Variants in EFCAB13 observed in about 807,000 individuals in gnomAD.
EFCAB13 encodes EF-hand calcium binding domain 13.
Under a neutral mutation model 110.2 loss-of-function variants are expected in EFCAB13, and 91 were observed. The observed-to-expected ratio is 0.83, with a 90% CI of 0.70 to 0.98. EFCAB13 has a LOEUF of 0.98. Among genes scored for constraint, EFCAB13 ranks in the 50% least tolerant of loss-of-function variants. EFCAB13 has a pLI of 0.00. For missense variants in EFCAB13, 968 were observed against 1,119.4 expected (o/e 0.86, Z 1.93); for synonymous variants, 323 against 369.9 (o/e 0.87, Z 1.45).
At chr17:47,392,503 C>A (rs2065713550) in intron 15 of EFCAB13, among the ~76,000 whole-genome samples, 3 of 152,140 alleles carry the variant, frequency 2.0e-5, no homozygotes, top group South Asian at 4.1e-4. Context: ...TATCAAATCT[C>A]CTTATAAAGC....
At position 47,376,552 on chromosome 17, in the gene EFCAB13, C is replaced by T. The variant is rs1255105338; in HGVS notation, c.1373-1214C>T. Among the ~76,000 whole-genome samples, 6 of 143,068 alleles carry T rather than the reference C, an allele frequency of 4.2e-5. No homozygotes were observed. The East Asian group carries it at 1.2e-3, about 28-fold the overall frequency. 93.9% of individuals were successfully genotyped at this position (143,068 alleles called of 152,430 possible). A position where few individuals can be genotyped will look rare whatever the true frequency, so the allele number is the denominator to read the frequency against. On this transcript the variant is annotated intron_variant, in intron 12 of 24. Coordinates refer to ENST00000331493, the MANE Select transcript of EFCAB13 (RefSeq NM_152347.5). ...ATTGGACTTTTATGGAATATGACTGCCTGTATGATTTACATTAAAAAATTC... is the reference window on the plus strand; with the variant it reads ...ATTGGACTTTTATGGAATATGACTGTCTGTATGATTTACATTAAAAAATTC...
chr17:47,366,314 GTT>G (rs773136385), intron 10 of EFCAB13, among the ~76,000 whole-genome samples: 8 of 144,924 alleles, frequency 5.5e-5, no homozygotes, highest in African/African-American at 2.0e-4. Context: ...TGGTATAGCA[GTT>G]TTTTTTTTTT....
At chr17:47,426,625 T>C (rs866434548) in intron 23 of EFCAB13, among the ~76,000 whole-genome samples, 16 of 152,210 alleles carry the variant, frequency 1.1e-4, no homozygotes, top group African/African-American at 3.4e-4. Context: ...ATTTAACTTA[T>C]AAATTTTGCT....
At chr17:47,413,202 G>T (rs1411922344) in intron 22 of EFCAB13, among the ~76,000 whole-genome samples, 31 of 151,952 alleles carry the variant, frequency 2.0e-4, no homozygotes, top group Admixed American at 3.3e-4. Flanking sequence ...GACAACAGCA[G>T]CTTATTTTGA....
intron 10 of EFCAB13, among the ~76,000 whole-genome samples, chr17:47,361,997 G>A (rs1451394763): frequency 6.6e-6 from 1 of 152,052 alleles, no homozygotes; most frequent in Non-Finnish European, 1.5e-5. Context: ...TGTATTACAT[G>A]TTTACTTGTA....
At chr17:47,387,411 TCCTC>T (rs1415374050) in intron 14 of EFCAB13, among the ~76,000 whole-genome samples, 1 of 152,216 alleles carries the variant, frequency 6.6e-6, no homozygotes, top group Non-Finnish European at 1.5e-5. Context: ...TGTGTTGAAG[TCCTC>T]TACTAGGATT....
chr17:47,363,365 C>A (rs910879084), intron 10 of EFCAB13, among the ~76,000 whole-genome samples: 2 of 152,078 alleles, frequency 1.3e-5, no homozygotes, highest in Admixed American at 1.3e-4. Flanking sequence ...CTGGGCCCAG[C>A]CTGATTCATT....
At chr17:47,420,345 T>C (rs1368110368) in intron 23 of EFCAB13, among the ~76,000 whole-genome samples, 6 of 152,256 alleles carry the variant, frequency 3.9e-5, no homozygotes, top group Non-Finnish European at 7.3e-5. Flanking sequence ...AGTGCCGAGA[T>C]TGCAGCCTCT....
At chr17:47,400,954 T>A (rs1010945236) in intron 17 of EFCAB13, among the ~76,000 whole-genome samples, 2 of 152,144 alleles carry the variant, frequency 1.3e-5, no homozygotes, top group Non-Finnish European at 2.9e-5. Context: ...TCCTGAGTAT[T>A]ATAAAAGTAT....
At chr17:47,330,766 G>A (rs901764810) in intron 4 of EFCAB13, among the ~76,000 whole-genome samples, 1 of 151,834 alleles carries the variant, frequency 6.6e-6, no homozygotes, top group African/African-American at 2.4e-5. Context: ...ACATATATGT[G>A]TAGGTTTTTT....
rs1333287969 is a variant in EFCAB13, at chr17:47,397,027, T to TCC, written c.1945+1054_1945+1055dup. Among the ~76,000 whole-genome samples the TCC allele has an allele frequency of 9.2e-4, 73 of 79,408 alleles. No homozygotes were observed. In the East Asian group the frequency reaches 0.016, roughly 18 times the overall value. The allele number at this position is 79,408 out of a possible 152,430, so 52.1% of individuals were successfully genotyped here. A position where few individuals can be genotyped will look rare whatever the true frequency, so the allele number is the denominator to read the frequency against. On this transcript the variant is annotated intron_variant, in intron 17 of 24. Coordinates refer to ENST00000331493, the MANE Select transcript of EFCAB13 (RefSeq NM_152347.5). ...AATAACGTCCCTCTCCCTCTCCCCC[T>TCC]CCCCCTCCCCCTCCCCCTTTCCCTC...
At chr17:47,366,615 T>C (rs1219318964) in intron 10 of EFCAB13, among the ~76,000 whole-genome samples, 1 of 152,194 alleles carries the variant, frequency 6.6e-6, no homozygotes, top group Non-Finnish European at 1.5e-5. Context: ...CTTTAGGAAA[T>C]AAGTGATACC....
At chr17:47,342,514 A>G (rs2065391654) in intron 6 of EFCAB13, among the ~76,000 whole-genome samples, 3 of 152,220 alleles carry the variant, frequency 2.0e-5, no homozygotes, top group South Asian at 2.1e-4. Context: ...TTTTCTCCAA[A>G]TAAGGTGACA....
At chr17:47,410,250 G>A (rs1420485694) in intron 21 of EFCAB13, among the ~76,000 whole-genome samples, 1 of 152,144 alleles carries the variant, frequency 6.6e-6, no homozygotes, top group Non-Finnish European at 1.5e-5. Context: ...GAAAGTTTGA[G>A]AGAGCAAGAG....
intron 6 of EFCAB13, among the ~76,000 whole-genome samples, chr17:47,342,496 C>CA (rs1314109565): frequency 6.6e-6 from 1 of 152,146 alleles, no homozygotes; most frequent in Non-Finnish European, 1.5e-5. Context: ...ATTACATCTG[C>CA]AAATACATTT....
At chr17:47,362,193 ATAAT>A (rs1273220932) in intron 10 of EFCAB13, among the ~76,000 whole-genome samples, 1 of 152,176 alleles carries the variant, frequency 6.6e-6, no homozygotes, top group Admixed American at 6.5e-5. Context: ...ATATATGAAT[ATAAT>A]TAATCATTAG....
At chr17:47,404,694 C>G in intron 20 of EFCAB13, 61 bp downstream of exon 20, 1 of 1,274,438 alleles carries the variant, frequency 7.8e-7, no homozygotes, top group Non-Finnish European at 1.1e-6. Context: ...CAAAGTTCAC[C>G]TAGTAAAACC....
chr17:47,369,196 G>T (rs1023810751), intron 10 of EFCAB13, among the ~76,000 whole-genome samples: 4 of 152,192 alleles, frequency 2.6e-5, no homozygotes, highest in Non-Finnish European at 4.4e-5. Flanking sequence ...CTGGATGACT[G>T]AAGTTTAAAT....
chr17:47,353,200 G>A (rs111318053), intron 9 of EFCAB13, among the ~76,000 whole-genome samples: 3,444 of 152,180 alleles, frequency 0.023, 106 homozygotes, highest in East Asian at 0.18. Context: ...CATTCAGTAG[G>A]ATGTTGGCTG....
Sources: allele counts gnomAD v4.1 joint callset (sites outside exome capture counted in the v4.1 genomes callset), GRCh38; gene constraint gnomAD v4.1.1; transcripts MANE v1.5; gene names NCBI Gene and HGNC (gene_info 2026-07-23, HGNC 2026-07-21).